The following GCN1 variants were observed in gnomAD, a reference collection of about 807,000 sequenced individuals.
The protein encoded by GCN1 is GCN1 activator of EIF2AK4.
Under a neutral mutation model 288.4 loss-of-function variants are expected in GCN1, and 90 were observed. That is an observed-to-expected ratio of 0.31 (90% CI 0.26 to 0.37). The LOEUF is 0.37. GCN1 is among the 10% of genes least tolerant of loss of function. The probability of loss-of-function intolerance (pLI) is 1.00; values close to 1 mark genes in which losing one functional copy is unlikely to be tolerated. For synonymous variants in GCN1, 1,386 were observed against 1,420.2 expected, an observed-to-expected ratio of 0.98 and a Z score of 0.54; for missense variants, 2,586 against 3,419.9, an observed-to-expected ratio of 0.76 and a Z score of 6.08.
intron 22 of GCN1, among the ~76,000 whole-genome samples, chr12:120,160,927 G>A (rs1877904812): frequency 6.6e-6 from 1 of 152,196 alleles, no homozygotes; most frequent in South Asian, 2.1e-4. Context: ...GAAGGGTGGG[G>A]TCTACTTTGG....
At chr12:120,143,796 G>A (rs1039272150) in intron 42 of GCN1, among the ~76,000 whole-genome samples, 1 of 152,108 alleles carries the variant, frequency 6.6e-6, no homozygotes, top group Non-Finnish European at 1.5e-5. Context: ...AATACAAATT[G>A]GAAGCCTGTA....
Position 120,131,224 on chromosome 12 carries a change from A to G in GCN1, c.7524T>C (p.Asp2508=), listed in dbSNP as rs781539263. The G allele has an allele frequency of 6.2e-7, 1 of 1,614,218 alleles. No homozygotes were observed. Among genetic ancestry groups the G allele is most frequent in the South Asian group, 1.1e-5 (1 of 91,088 alleles). The change falls in exon 55 of 58, where the codon GAT becomes GAC. Residue 2508 remains aspartate (D), a synonymous_variant. Coordinates refer to ENST00000300648, the MANE Select transcript of GCN1 (RefSeq NM_006836.2). ...GRLCAGRYSS[D]VQEMILSSAT... is the part of the protein sequence containing the mutation. ...CACTGCTCAGGATCATTTCCTGAAC[A>G]TCACTGCTATATCTGCCGGCACAAA...
At chr12:120,181,552 G>A (rs1000246277) in intron 5 of GCN1, among the ~76,000 whole-genome samples, 2 of 151,000 alleles carry the variant, frequency 1.3e-5, no homozygotes, top group Non-Finnish European at 2.9e-5. Flanking sequence ...AAAGTAGGCT[G>A]GGCACGACCA....
intron 12 of GCN1, 124 bp from the exon 13 acceptor site, chr12:120,174,293 C>A: frequency 1.5e-6 from 1 of 646,102 alleles, no homozygotes. Context: ...AGGCATACCT[C>A]TCCTTTGGCC....
At position 120,134,092 on chromosome 12, in the gene GCN1, C is replaced by A. The variant is rs1245172541; in HGVS notation, c.7317+199G>T. 6.6e-6 allele frequency among the ~76,000 whole-genome samples: 1 copy of A among 152,124 alleles called. No individual in the cohort carries two copies. Among genetic ancestry groups the A allele is most frequent in the African/African-American group, 2.4e-5 (1 of 41,412 alleles). On this transcript the variant is annotated intron_variant, in intron 53 of 57. Transcript: ENST00000300648. The surrounding 1 kb of genome is among the most constrained non-coding windows in gnomAD (Gnocchi z 5.0). ...AAAACAAACAAACAAACGGAAATAACCAATATATCCACAATACCTGCCCCG... is the reference window on the plus strand; with the variant it reads ...AAAACAAACAAACAAACGGAAATAAACAATATATCCACAATACCTGCCCCG...
chr12:120,187,042 T>C (rs1409534160), intron 2 of GCN1, among the ~76,000 whole-genome samples: 2 of 152,112 alleles, frequency 1.3e-5, no homozygotes, highest in African/African-American at 4.8e-5. Flanking sequence ...CATTGAAGCA[T>C]TAACACACAA....
At chr12:120,164,526 G>C (rs755790863) in intron 17 of GCN1, 31 bp from the exon 18 acceptor site, 4 of 1,610,424 alleles carry the variant, frequency 2.5e-6, no homozygotes, top group Non-Finnish European at 3.4e-6. Flanking sequence ...AGGTCTGGGG[G>C]AAGGCCAAGA....
chr12:120,184,146 A>C lies in GCN1; in HGVS notation c.283T>G (p.Ser95Ala). Residue 95 changes from serine to alanine, a missense_variant, in exon 4 of 58, where the codon TCT becomes GCT. This residue lies in a region of GCN1 where 913 missense variants were observed against 1,107.0 expected (regional missense o/e 0.82). Transcript: ENST00000300648. ...CCTGCTTTGGAGCCTATACCAGAAG[A>C]CTGCAGAGAGTGTAGAAGGTTCTTA... is the stretch of plus-strand genomic sequence containing the variant. ...TAKNLLHSLQSSGIGSKAGVP... is the reference protein window; with the variant it reads ...TAKNLLHSLQASGIGSKAGVP... 6.2e-7 allele frequency: 1 copy of C among 1,613,788 alleles called. No individual in the cohort carries two copies. Among genetic ancestry groups the C allele is most frequent in the South Asian group, 1.1e-5 (1 of 91,046 alleles).
In GCN1 at chr12:120,156,923, G is replaced by A. The variant is rs1289019750; in HGVS notation, c.3157C>T (p.Pro1053Ser). 1.2e-6 allele frequency: 2 copies of A among 1,609,896 alleles called. No individual in the cohort carries two copies. Among genetic ancestry groups the A allele is most frequent in the Admixed American group, 3.3e-5 (2 of 60,016 alleles). ...GAAAACCACATCACCTGTAAGCGAG[G>A]CGAGCCCGTCCCGATCACCCAAGTC... ...LLTWVIGTGS[P>S]RLQVLASDTL... The change falls in exon 27 of 58, where the codon CCT (proline) becomes TCT (serine). Residue 1053 changes from proline (P) to serine (S), a missense_variant. Physicochemically the swap from Pro to Ser is moderately conservative, Grantham distance 74. Coordinates refer to ENST00000300648, the MANE Select transcript of GCN1 (RefSeq NM_006836.2). The surrounding 1 kb of genome is among the most constrained non-coding windows in gnomAD (Gnocchi z 5.8).
chr12:120,142,588 G>C lies in GCN1; in HGVS notation c.5748C>G (p.Pro1916=), dbSNP rs147616985. 3.9e-4 allele frequency: 629 copies of C among 1,614,058 alleles called. 2 individuals are homozygous for C. The African/African-American group carries it at 7.2e-3, about 19-fold the overall frequency. Residue 1916 remains proline (P), a synonymous_variant, in exon 44 of 58, where the codon CCC becomes CCG. Transcript: ENST00000300648. This position sits in a 1 kb window ranked among gnomAD's most constrained non-coding sequence, Gnocchi z 4.9. ...TGGGTAGGATCTCACGCAAGGTGCG[G>C]GGGGTATTGGAGACAACAATCTTCC... is the stretch of plus-strand genomic sequence containing the variant. ...HVWKIVVSNT[P]RTLREILPTL... is the part of the protein sequence containing the mutation.
rs1314131338 is a variant in GCN1 at position 120,183,635 on chromosome 12, G to A, written c.360C>T (p.Thr120=). 1.2e-6 allele frequency: 2 copies of A among 1,613,726 alleles called. No individual in the cohort carries two copies. Among genetic ancestry groups the A allele is most frequent in the Middle Eastern group, 1.6e-4 (1 of 6,082 alleles). Residue 120 remains threonine (T), a synonymous_variant, in exon 5 of 58, where the codon ACC becomes ACT. Coordinates refer to ENST00000300648, the MANE Select transcript of GCN1 (RefSeq NM_006836.2). ...GSAALLALTW[T]CLLVRIVFPS... The stretch of plus-strand genomic sequence containing the variant: ...GAAAGACAATGCGCACCAGGAGGCA[G>A]GTCCAGGTCAAGGCCAGCAAGGCGG...
intron 1 of GCN1, 40 bp downstream of exon 1, chr12:120,194,640 C>G (rs1433477312): frequency 6.6e-7 from 1 of 1,510,446 alleles, no homozygotes; most frequent in East Asian, 2.6e-5. Flanking sequence ...CGTCCGCACC[C>G]AGTCCCTGGC....
chr12:120,168,195 TG>T lies in GCN1; in HGVS notation c.1612+12del. The T allele has an allele frequency of 7.0e-7, 1 of 1,419,538 alleles. No homozygotes were observed. Among genetic ancestry groups the T allele is most frequent in the Non-Finnish European group, 1.0e-6 (1 of 1,001,982 alleles). 87.9% of individuals were successfully genotyped at this position (1,419,538 alleles called of 1,614,324 possible). On this transcript the variant is annotated intron_variant, in intron 16 of 57. Coordinates refer to ENST00000300648, the MANE Select transcript of GCN1 (RefSeq NM_006836.2). ...CCTCAATCCCGAGTTCAACTAAGCATGGAGTAACTTACCATCCTCTGAAGCC... is the reference window on the plus strand; with the variant it reads ...CCTCAATCCCGAGTTCAACTAAGCATGAGTAACTTACCATCCTCTGAAGCC...
chr12:120,148,422 G>T, intron 36 of GCN1, 76 bp from the exon 37 acceptor site: 1 of 1,231,876 alleles, frequency 8.1e-7, no homozygotes, highest in Non-Finnish European at 1.2e-6. Context: ...GGCTACATGA[G>T]CAAGGGACAT....
chr12:120,176,569 A>G (rs1438351962), intron 9 of GCN1, among the ~76,000 whole-genome samples: 6 of 152,138 alleles, frequency 3.9e-5, no homozygotes, highest in Non-Finnish European at 8.8e-5. Context: ...GGGGAGGTGG[A>G]GGGGTAAGAG....
rs115220467 is a variant in GCN1 at position 120,134,921 on chromosome 12, T to G, written c.7009-195A>C. ...CTTGGCCTCCTGGTCATATCCAGCA[T>G]GCTTTGATACACTGGAGGAGCAGGA... On this transcript the variant is annotated intron_variant, in intron 51 of 57. Transcript: ENST00000300648. This position sits in a 1 kb window ranked among gnomAD's most constrained non-coding sequence, Gnocchi z 5.0. Among the ~76,000 whole-genome samples the G allele has an allele frequency of 6.6e-6, 1 of 152,212 alleles. No homozygotes were observed. Among genetic ancestry groups the G allele is most frequent in the Non-Finnish European group, 1.5e-5 (1 of 68,038 alleles).
At position 120,153,222 on chromosome 12, in the gene GCN1, G is replaced by A. The variant is rs371817946; in HGVS notation, c.4053C>T (p.Pro1351=). The change falls in exon 33 of 58, where the codon CCC becomes CCT. Residue 1351 remains proline (P), a synonymous_variant. Transcript: ENST00000300648. This position sits in a 1 kb window ranked among gnomAD's most constrained non-coding sequence, Gnocchi z 4.4. ...GCCAGATGGCAGGTACCTGCTGGGA[G>A]GGGGTGGAGAGGGCAGCGATGAGCT... is the stretch of plus-strand genomic sequence containing the variant. The part of the protein sequence containing the change: ...VAKLIAALST[P]SQQVQESVAS... 2 of 1,613,648 alleles carry A rather than the reference G, an allele frequency of 1.2e-6. No homozygotes were observed. The highest frequency in any genetic ancestry group is 1.7e-6 in the Non-Finnish European group (2 of 1,179,712).
chr12:120,192,174 C>T (rs1369639239), intron 1 of GCN1, among the ~76,000 whole-genome samples: 1 of 152,088 alleles, frequency 6.6e-6, no homozygotes, highest in African/African-American at 2.4e-5. Context: ...AACTTTTTGC[C>T]ATTTGTCTAA....
intron 2 of GCN1, among the ~76,000 whole-genome samples, chr12:120,186,461 G>T (rs1383953046): frequency 6.6e-6 from 1 of 152,168 alleles, no homozygotes; most frequent in Non-Finnish European, 1.5e-5. Flanking sequence ...AAACAAAAGG[G>T]AGGAGCTTCT....
Sources: allele counts gnomAD v4.1 joint callset (sites outside exome capture counted in the v4.1 genomes callset), GRCh38; gene constraint gnomAD v4.1.1; regional missense constraint gnomAD v4.1.1; non-coding constraint Gnocchi (gnomAD v3.1); transcripts MANE v1.5; gene names NCBI Gene and HGNC (gene_info 2026-07-23, HGNC 2026-07-21).